The following FSTL4 variants were observed in gnomAD, a reference collection of about 807,000 sequenced individuals.
The protein encoded by FSTL4 is follistatin-related protein 4.
In FSTL4, 28 loss-of-function variants were observed where a neutral mutation model predicts 78.2. The observed-to-expected ratio is 0.36, with a 90% confidence interval of 0.27 to 0.49. FSTL4 has a LOEUF of 0.49. Ranked by LOEUF, FSTL4 falls within the 20% of genes least tolerant of loss-of-function variation. FSTL4 has a pLI of 0.98. For synonymous variants in FSTL4, 422 were observed against 440.5 expected (o/e 0.96, Z 0.53); for missense variants, 922 against 1,084.9 (o/e 0.85, Z 2.11).
In FSTL4 at chr5:133,236,719, A is replaced by G. The variant is rs1010053145; in HGVS notation, c.895-3182T>C. On this transcript the variant is annotated intron_variant, in intron 7 of 15. Transcript: ENST00000265342. This position sits in a 1 kb window ranked among gnomAD's most constrained non-coding sequence, Gnocchi z 5.0. ...CGCACACTCCCCTTGCTGTTGCTCTAGTGTGCCAGGCATGCTCCCCTCCTC... is the reference window on the plus strand; with the variant it reads ...CGCACACTCCCCTTGCTGTTGCTCTGGTGTGCCAGGCATGCTCCCCTCCTC... 1.3e-5 allele frequency among the ~76,000 whole-genome samples: 2 copies of G among 152,056 alleles called. No individual in the cohort carries two copies. Among genetic ancestry groups the G allele is most frequent in the Non-Finnish European group, 2.9e-5 (2 of 68,002 alleles).
At chr5:133,482,143 C>G (rs1328916724) in intron 3 of FSTL4, among the ~76,000 whole-genome samples, 1 of 152,230 alleles carries the variant, frequency 6.6e-6, no homozygotes, top group Non-Finnish European at 1.5e-5. Context: ...AATCCCAAGA[C>G]TGTTGATGGA....
chr5:133,673,460 G>A, the FSTL4 span, among the ~76,000 whole-genome samples: 3,348 of 152,258 alleles, frequency 0.022, 118 homozygotes, highest in African/African-American at 0.076. Context: ...CTAAAATTAG[G>A]TGGAACAGGG....
the FSTL4 span, among the ~76,000 whole-genome samples, chr5:133,824,141 C>G: frequency 1.3e-3 from 194 of 152,342 alleles, 1 homozygote; most frequent in Admixed American, 8.0e-3. Flanking sequence ...CAGACACCAG[C>G]TGGGTGTCCT....
intron 4 of FSTL4, among the ~76,000 whole-genome samples, chr5:133,393,942 C>T (rs981699165): frequency 1.1e-4 from 16 of 152,256 alleles, no homozygotes; most frequent in African/African-American, 3.9e-4. Flanking sequence ...CTTCCTTCTG[C>T]ACCAGGAGGT....
chr5:133,351,072 T>C (rs1754811921), intron 4 of FSTL4, among the ~76,000 whole-genome samples: 1 of 152,222 alleles, frequency 6.6e-6, no homozygotes, highest in African/African-American at 2.4e-5. Flanking sequence ...AATTTTTTTA[T>C]TTTGGCCAGC....
At chr5:133,773,709 C>T in the FSTL4 span, among the ~76,000 whole-genome samples, 1 of 152,152 alleles carries the variant, frequency 6.6e-6, no homozygotes, top group Non-Finnish European at 1.5e-5. Context: ...TCCCTTCATC[C>T]TGCTCATGCC....
At chr5:133,319,921 T>C (rs1237400585) in intron 4 of FSTL4, among the ~76,000 whole-genome samples, 1 of 152,212 alleles carries the variant, frequency 6.6e-6, no homozygotes, top group East Asian at 1.9e-4. Context: ...CCGACAGCAC[T>C]GGGGAAGGGC....
chr5:133,478,427 C>T (rs895037935), intron 3 of FSTL4, among the ~76,000 whole-genome samples: 1 of 151,854 alleles, frequency 6.6e-6, no homozygotes, highest in African/African-American at 2.4e-5. Context: ...AAGGAGCATC[C>T]GTAGCTGTGG....
intron 3 of FSTL4, among the ~76,000 whole-genome samples, chr5:133,452,894 C>T (rs1368078439): frequency 1.3e-5 from 2 of 152,254 alleles, no homozygotes; most frequent in Non-Finnish European, 2.9e-5. Context: ...TGCAGGCGCA[C>T]TCTGTGCAGT....
intron 2 of FSTL4, among the ~76,000 whole-genome samples, chr5:133,595,771 A>G (rs1333784877): frequency 1.3e-5 from 2 of 152,212 alleles, no homozygotes; most frequent in African/African-American, 4.8e-5. Context: ...TGCTCATGAC[A>G]ACCCTGAAAA....
the FSTL4 span, among the ~76,000 whole-genome samples, chr5:133,830,382 C>T: frequency 6.6e-6 from 1 of 152,156 alleles, no homozygotes; most frequent in Non-Finnish European, 1.5e-5. Context: ...CTCAGAGGCC[C>T]TGCCAGGGAC....
At chr5:133,822,396 G>A in the FSTL4 span, among the ~76,000 whole-genome samples, 5 of 152,154 alleles carry the variant, frequency 3.3e-5, no homozygotes, top group African/African-American at 4.8e-5. Context: ...TAATGTAATC[G>A]TTTCAGCTCA....
the FSTL4 span, among the ~76,000 whole-genome samples, chr5:133,696,404 C>A: frequency 6.6e-6 from 1 of 152,222 alleles, no homozygotes; most frequent in African/African-American, 2.4e-5. Context: ...GGGGCCCATC[C>A]CAGGCCTGTG....
At position 133,611,993 on chromosome 5, in the gene FSTL4, A is replaced by G. The variant is rs1030997851; in HGVS notation, c.-11+332T>C. On this transcript the variant is annotated intron_variant, in intron 1 of 15. Coordinates refer to ENST00000265342, the MANE Select transcript of FSTL4 (RefSeq NM_015082.2). This position sits in a 1 kb window ranked among gnomAD's most constrained non-coding sequence, Gnocchi z 4.9. Reference sequence around the variant, plus strand: ...GGGCGCGAGCTGCGGGCTCGGCCCGAGCGCTTCTGCGTGGCGCCCCGCGTG... The same window carrying G: ...GGGCGCGAGCTGCGGGCTCGGCCCGGGCGCTTCTGCGTGGCGCCCCGCGTG... 2.6e-5 allele frequency among the ~76,000 whole-genome samples: 4 copies of G among 151,590 alleles called. No individual in the cohort carries two copies. The highest frequency in any genetic ancestry group is 7.3e-5 in the African/African-American group (3 of 41,198).
intron 4 of FSTL4, among the ~76,000 whole-genome samples, chr5:133,343,623 A>G (rs1332495163): frequency 6.6e-6 from 1 of 152,236 alleles, no homozygotes; most frequent in Non-Finnish European, 1.5e-5. Flanking sequence ...AAAGTTTTTT[A>G]TAGCCGGGGG....
intron 2 of FSTL4, among the ~76,000 whole-genome samples, chr5:133,568,718 T>C (rs574969026): frequency 6.6e-6 from 1 of 152,228 alleles, no homozygotes; most frequent in East Asian, 1.9e-4. Context: ...CAAACCCAGC[T>C]CCTCCCAAAC....
chr5:133,617,483 G>A (rs1357982871), upstream of FSTL4, among the ~76,000 whole-genome samples: 1 of 152,126 alleles, frequency 6.6e-6, no homozygotes, highest in Non-Finnish European at 1.5e-5. Context: ...ACCAGTGGGA[G>A]ACTGGGCACA....
At chr5:133,519,329 T>C (rs1758927514) in intron 3 of FSTL4, among the ~76,000 whole-genome samples, 1 of 152,194 alleles carries the variant, frequency 6.6e-6, no homozygotes, top group Admixed American at 6.5e-5. Context: ...GCACTAGAAG[T>C]CACACATATG....
chr5:133,316,719 C>T, intron 4 of FSTL4, 67 bp from the exon 5 acceptor site: 2 of 1,336,996 alleles, frequency 1.5e-6, no homozygotes, highest in Non-Finnish European at 2.1e-6. Context: ...ATTCTTGCCG[C>T]TGGTCCATTC....
Sources: gnomAD v4.1 joint callset for allele counts (sites outside exome capture counted in the v4.1 genomes callset) on GRCh38, gnomAD v4.1.1 for gene constraint, Gnocchi (gnomAD v3.1) non-coding constraint, MANE v1.5 for transcripts, NCBI Gene and HGNC (gene_info 2026-07-23, HGNC 2026-07-21) for gene names.